KCTD2: variants seen among roughly 807,000 people sequenced by gnomAD.
KCTD2 encodes BTB/POZ domain-containing protein KCTD2.
A neutral mutation model predicts 27.9 loss-of-function variants in KCTD2; 18 were observed. The ratio of observed to expected loss-of-function variants is 0.64; its 90% CI spans 0.45 to 0.96. The LOEUF is 0.96. Ranked by LOEUF, KCTD2 falls within the 40% of genes least tolerant of loss-of-function variation. The probability of loss-of-function intolerance (pLI) is 0.00; values close to 1 mark genes in which losing one functional copy is unlikely to be tolerated. For synonymous variants in KCTD2, 175 were observed against 148.4 expected, an observed-to-expected ratio of 1.18 and a Z score of -1.30; for missense variants, 280 against 348.0, an observed-to-expected ratio of 0.80 and a Z score of 1.56.
chr17:75,054,019 T>G (rs1012369331), intron 3 of KCTD2, among the ~76,000 whole-genome samples: 1 of 151,720 alleles, frequency 6.6e-6, no homozygotes, highest in Admixed American at 6.6e-5. Flanking sequence ...GTGTCTTGAT[T>G]TTGGCGGGGA....
chr17:75,055,470 C>T (rs1333293432), intron 3 of KCTD2, among the ~76,000 whole-genome samples: 1 of 151,932 alleles, frequency 6.6e-6, no homozygotes, highest in African/African-American at 2.4e-5. Context: ...AATCCCAGCA[C>T]TCTGGGAGGC....
chr17:75,038,965 G>A, intron 3 of KCTD2: 1 of 1,614,106 alleles, frequency 6.2e-7, no homozygotes, highest in Non-Finnish European at 8.5e-7. Context: ...GAGGCCAATA[G>A]GGATACTTTT....
In KCTD2 at chr17:75,039,908, G is replaced by A; in HGVS notation, c.-259+4551G>A. On this transcript the variant is annotated intron_variant, in intron 3 of 7. Coordinates refer to the KCTD2 transcript ENST00000581589. ...CATATGCTATACTCTTCTTTTTCTTGTTGGCTTCTTTCACTCCGCATAATT... is the reference window on the plus strand; with the variant it reads ...CATATGCTATACTCTTCTTTTTCTTATTGGCTTCTTTCACTCCGCATAATT... 6 of 672,814 alleles carry A rather than the reference G, an allele frequency of 8.9e-6. 1 individual carries two copies. Among genetic ancestry groups the A allele is most frequent in the Non-Finnish European group, 1.3e-5 (5 of 388,460 alleles). The allele number at this position is 672,814 out of a possible 1,614,324, so 41.7% of individuals were successfully genotyped here.
upstream of KCTD2, among the ~76,000 whole-genome samples, chr17:75,043,954 T>A (rs1011471559): frequency 3.9e-5 from 6 of 152,048 alleles, no homozygotes; most frequent in African/African-American, 1.4e-4. Context: ...TCCAACTAGA[T>A]TGGTAATACA....
rs1322714382 is a variant in KCTD2 at position 75,063,566 on chromosome 17, GT to G, written c.*523del. 1 of 158,722 alleles carries G rather than the reference GT, an allele frequency of 6.3e-6. No individual in the cohort carries two copies. Among genetic ancestry groups the G allele is most frequent in the Non-Finnish European group, 1.4e-5 (1 of 71,398 alleles). The allele number at this position is 158,722 out of a possible 1,614,324, so 9.8% of individuals were successfully genotyped here. A position where few individuals can be genotyped will look rare whatever the true frequency, so the allele number is the denominator to read the frequency against. ...TCTAGCTGCAGTTTGTCGAATTGAG[GT>G]TTTAGGTAAAGCATAGAGTTGCCAG... On this transcript the variant is annotated 3_prime_UTR_variant, in exon 6 of 6. Coordinates refer to ENST00000322444, the MANE Select transcript of KCTD2 (RefSeq NM_015353.3).
chr17:75,056,952 C>CT (rs35875644), intron 3 of KCTD2, among the ~76,000 whole-genome samples: 28,390 of 108,146 alleles, frequency 0.26, 4,532 homozygotes, highest in Non-Finnish European at 0.34. Flanking sequence ...TTTCTTTTTT[C>CT]TTTTTTTTTT....
rs1302390809 is a variant in KCTD2 at position 75,047,446 on chromosome 17, G to A, written c.196G>A (p.Gly66Arg). ...GGGTCCCGGACCACCCGAGCGGGCA[G>A]GGGGCGGCGGCGCGGCCCGCTGGGT... ...EPGPGPPERA[G>R]GGGAARWVRL... Residue 66 changes from glycine (G) to arginine (R), a missense_variant, in exon 1 of 6, where the codon GGG (glycine) becomes AGG (arginine). Gly to Arg is a moderately radical substitution (Grantham distance 125). Transcript: ENST00000322444. 2.0e-6 allele frequency: 3 copies of A among 1,522,358 alleles called. No homozygotes were observed. Among genetic ancestry groups the A allele is most frequent in the South Asian group, 2.4e-5 (2 of 83,978 alleles). The allele number at this position is 1,522,358 out of a possible 1,614,324, so 94.3% of individuals were successfully genotyped here.
chr17:75,042,012 T>G lies in KCTD2; in HGVS notation c.-259+6655T>G. 3 of 584,450 alleles carry G rather than the reference T, an allele frequency of 5.1e-6. No individual in the cohort carries two copies. The South Asian group carries it at 6.7e-5, about 13-fold the overall frequency. The allele number at this position is 584,450 out of a possible 1,614,324, so 36.2% of individuals were successfully genotyped here. A position where few individuals can be genotyped will look rare whatever the true frequency, so the allele number is the denominator to read the frequency against. On this transcript the variant is annotated intron_variant, in intron 3 of 7. Coordinates refer to the KCTD2 transcript ENST00000581589. ...ACTGCTGAATGAACAGAGCCTAAAT[T>G]CCTGCACCTATTTACAGTTCAATCG...
At chr17:75,051,786 AGGAAATTTAATACTGATGCTTTTATCT>A (rs577461554) in intron 2 of KCTD2, among the ~76,000 whole-genome samples, 154 of 152,292 alleles carry the variant, frequency 1.0e-3, no homozygotes, top group African/African-American at 3.6e-3. Context: ...TATCAAACTC[AGGAAATTTAATACTGATGCTTTTATCT>A]ACAGCTTATA....
At position 75,062,131 on chromosome 17, in the gene KCTD2, C is replaced by G; in HGVS notation, c.648C>G (p.Ile216Met). The G allele has an allele frequency of 6.2e-7, 1 of 1,613,998 alleles. No homozygotes were observed. ...DGWKFEQLIS[I>M]GSSYNYGNED... ...TCTTGGTTCATCAGCTCATCAGCAT[C>G]GGATCTTCCTATAACTACGGCAATG... Residue 216 changes from isoleucine to methionine, a missense_variant, in exon 5 of 6, where the codon ATC becomes ATG. By Grantham distance (10) the Ile-to-Met change is conservative (BLOSUM62 1). Coordinates refer to ENST00000322444, the MANE Select transcript of KCTD2 (RefSeq NM_015353.3).
chr17:75,034,400 A>G (rs540871779), intron 2 of KCTD2, among the ~76,000 whole-genome samples: 2 of 152,118 alleles, frequency 1.3e-5, no homozygotes, highest in Admixed American at 1.3e-4. Flanking sequence ...GCCGGCACCA[A>G]AAGAAACCTT....
At chr17:75,045,331 G>A (rs1277729541), upstream of KCTD2, among the ~76,000 whole-genome samples, 2 of 152,164 alleles carry the variant, frequency 1.3e-5, no homozygotes, top group African/African-American at 2.4e-5. Context: ...TGAAGTTTTG[G>A]GCACCATTGT....
chr17:75,062,302 G>C, intron 5 of KCTD2, 57 bp downstream of exon 5: 4 of 1,547,440 alleles, frequency 2.6e-6, no homozygotes, highest in South Asian at 1.2e-5. Flanking sequence ...CACCCCCTCC[G>C]TGGGCTTTTC....
intron 3 of KCTD2, chr17:75,039,096 A>G: frequency 1.2e-6 from 2 of 1,612,968 alleles, no homozygotes; most frequent in Non-Finnish European, 8.5e-7. Context: ...TAGTTAATGT[A>G]AACAGAGACG....
At chr17:75,046,757 G>A (rs919496024), upstream of KCTD2, among the ~76,000 whole-genome samples, 1 of 152,244 alleles carries the variant, frequency 6.6e-6, no homozygotes, top group Admixed American at 6.5e-5. Context: ...CTGAGGAAGG[G>A]ATCGCGGGGC....
Position 75,062,142 on chromosome 17 carries a change from A to G in KCTD2, c.659A>G (p.Tyr220Cys). 3.1e-6 allele frequency: 5 copies of G among 1,614,074 alleles called. No individual in the cohort carries two copies. The highest frequency in any genetic ancestry group is 3.4e-6 in the Non-Finnish European group (4 of 1,179,940). ...CAGCTCATCAGCATCGGATCTTCCT[A>G]TAACTACGGCAATGAGGATCAGGCA... ...FEQLISIGSS[Y>C]NYGNEDQAEF... Residue 220 changes from tyrosine to cysteine, a missense_variant, in exon 5 of 6, where the codon TAT becomes TGT. Coordinates refer to ENST00000322444, the MANE Select transcript of KCTD2 (RefSeq NM_015353.3).
At chr17:75,039,548 GC>G in intron 3 of KCTD2, 1 of 436,728 alleles carries the variant, frequency 2.3e-6, no homozygotes, top group Admixed American at 3.7e-5. Flanking sequence ...TTTTCACAGG[GC>G]TCAGCCACTG....
intron 3 of KCTD2, among the ~76,000 whole-genome samples, chr17:75,036,862 C>T (rs1207377793): frequency 3.3e-5 from 5 of 152,118 alleles, no homozygotes; most frequent in Non-Finnish European, 7.3e-5. Context: ...TCATCTCTGC[C>T]CAGTCTTCTT....
rs1029631894 is a variant in KCTD2, at chr17:75,040,324, A to T, written c.-259+4967A>T. ...GTGTCCCAAGCGGAAACGAATACGC[A>T]TCTCAATACTGGAGTAGAAAGAATA... On this transcript the variant is annotated intron_variant, in intron 3 of 7. Transcript: ENST00000581589. The T allele has an allele frequency of 7.9e-5, 59 of 743,266 alleles. No individual in the cohort carries two copies. In the African/African-American group the frequency reaches 9.7e-4, roughly 12 times the overall value. The allele number at this position is 743,266 out of a possible 1,614,324, so 46.0% of individuals were successfully genotyped here.
Sources: gnomAD v4.1 joint callset for allele counts (sites outside exome capture counted in the v4.1 genomes callset) on GRCh38, gnomAD v4.1.1 for gene constraint, MANE v1.5 for transcripts, NCBI Gene and HGNC (gene_info 2026-07-23, HGNC 2026-07-21) for gene names.